ZHX2: variants seen among roughly 807,000 people sequenced by gnomAD.
The protein encoded by ZHX2 is zinc fingers and homeoboxes protein 2.
In ZHX2, 6 loss-of-function variants were observed where a neutral mutation model predicts 21.9. The ratio of observed to expected loss-of-function variants is 0.27; its 90% CI spans 0.15 to 0.54. The LOEUF is 0.54. Among genes scored for constraint, ZHX2 ranks in the 20% least tolerant of loss-of-function variants. The pLI is 0.95. For synonymous variants in ZHX2, 434 were observed against 437.1 expected, an observed-to-expected ratio of 0.99 and a Z score of 0.09; for missense variants, 908 against 1,090.7, an observed-to-expected ratio of 0.83 and a Z score of 2.36.
intron 2 of ZHX2, among the ~76,000 whole-genome samples, chr8:122,944,151 T>A (rs1812912994): frequency 6.6e-6 from 1 of 152,240 alleles, no homozygotes; most frequent in Admixed American, 6.5e-5. Context: ...CAGGAGAGAC[T>A]GTGTGGTGGT....
intron 2 of ZHX2, among the ~76,000 whole-genome samples, chr8:122,939,293 A>G (rs1018005905): frequency 6.6e-6 from 1 of 152,240 alleles, no homozygotes; most frequent in Non-Finnish European, 1.5e-5. Context: ...CAGACCTCGA[A>G]GGCACGTCTC....
At chr8:122,912,873 TTA>T (rs1489065874) in intron 2 of ZHX2, among the ~76,000 whole-genome samples, 1 of 152,144 alleles carries the variant, frequency 6.6e-6, no homozygotes, top group Admixed American at 6.5e-5. Context: ...AAAAACAGCT[TTA>T]TTGGGGCATA....
rs774824658 is a variant in ZHX2, at chr8:122,951,727, A to G, written c.217A>G (p.Lys73Glu). ...ATCTATGGGGGAAAGCCAGTCCAAA[A>G]AACTCCAAGGTGGTTATGAGTGCAA... ...VKSMGESQSKKLQGGYECKYC... is the reference protein window; with the variant it reads ...VKSMGESQSKELQGGYECKYC... Residue 73 changes from lysine (K) to glutamate (E), a missense_variant, in exon 3 of 4, where the codon AAA becomes GAA. Transcript: ENST00000314393. 4 of 1,614,112 alleles carry G rather than the reference A, an allele frequency of 2.5e-6. No homozygotes were observed. The East Asian group carries it at 8.9e-5, about 36-fold the overall frequency.
chr8:122,800,513 A>G (rs937413874), intron 1 of ZHX2, among the ~76,000 whole-genome samples: 4 of 152,236 alleles, frequency 2.6e-5, no homozygotes, highest in Non-Finnish European at 5.9e-5. Context: ...TGTGCAGAGT[A>G]GGTGCTCAAT....
chr8:122,857,681 G>A (rs1014069044), intron 1 of ZHX2, among the ~76,000 whole-genome samples: 4 of 152,148 alleles, frequency 2.6e-5, no homozygotes, highest in Non-Finnish European at 5.9e-5. Flanking sequence ...GTCATTGTGG[G>A]GAAGAAATGG....
chr8:122,900,567 G>T (rs973935705), intron 2 of ZHX2, among the ~76,000 whole-genome samples: 3 of 152,174 alleles, frequency 2.0e-5, no homozygotes, highest in African/African-American at 7.2e-5. Flanking sequence ...CCAGTTTCTA[G>T]TTGCAGTGAC....
chr8:122,834,436 T>C (rs113101768), intron 1 of ZHX2, among the ~76,000 whole-genome samples: 56 of 152,326 alleles, frequency 3.7e-4, no homozygotes, highest in African/African-American at 1.3e-3. Context: ...ACCTGTGACC[T>C]TCATTGCCGC....
Position 122,890,063 on chromosome 8 carries a change from A to AT in ZHX2, c.-220+26530dup, listed in dbSNP as rs1819940077. Among the ~76,000 whole-genome samples the AT allele has an allele frequency of 3.3e-5, 5 of 152,004 alleles. No homozygotes were observed. In the South Asian group the frequency reaches 1.0e-3, roughly 32 times the overall value. On this transcript the variant is annotated intron_variant, in intron 2 of 3. Coordinates refer to ENST00000314393, the MANE Select transcript of ZHX2 (RefSeq NM_014943.5). ...CCAATCCTGAAACATTTCTCCTCTG[A>AT]TTTTTTCTAGTAGTTTTATAGTTTG...
intron 2 of ZHX2, among the ~76,000 whole-genome samples, chr8:122,869,589 C>T (rs921514043): frequency 2.6e-4 from 39 of 152,210 alleles, no homozygotes; most frequent in Non-Finnish European, 3.5e-4. Context: ...GAGCTGTCGC[C>T]GGGAGGCCCA....
At chr8:122,869,679 T>C (rs1401316832) in intron 2 of ZHX2, among the ~76,000 whole-genome samples, 1 of 152,248 alleles carries the variant, frequency 6.6e-6, no homozygotes, top group East Asian at 1.9e-4. Flanking sequence ...CCGTGGATCT[T>C]ACAGTTGACA....
intron 1 of ZHX2, among the ~76,000 whole-genome samples, chr8:122,785,308 G>A (rs1402827270): frequency 6.6e-6 from 1 of 152,200 alleles, no homozygotes; most frequent in Non-Finnish European, 1.5e-5. Flanking sequence ...CAACAACGGG[G>A]TGAGGGGTAA....
intron 1 of ZHX2, among the ~76,000 whole-genome samples, chr8:122,803,824 G>A (rs1817766341): frequency 6.6e-6 from 1 of 152,086 alleles, no homozygotes; most frequent in Admixed American, 6.5e-5. Flanking sequence ...CACCCCACAT[G>A]ATGAAATCAG....
chr8:122,845,002 A>T (rs528875019), intron 1 of ZHX2, among the ~76,000 whole-genome samples: 1 of 152,302 alleles, frequency 6.6e-6, no homozygotes, highest in South Asian at 2.1e-4. Flanking sequence ...TATCATCCCT[A>T]TGATTTTCCA....
intron 1 of ZHX2, among the ~76,000 whole-genome samples, chr8:122,803,099 C>T (rs1022920020): frequency 2.6e-4 from 39 of 152,216 alleles, no homozygotes; most frequent in Non-Finnish European, 5.0e-4. Flanking sequence ...ACTCCCTCCC[C>T]ATCCCCTGTT....
intron 1 of ZHX2, among the ~76,000 whole-genome samples, chr8:122,853,285 T>C: frequency 6.6e-6 from 1 of 152,200 alleles, no homozygotes; most frequent in East Asian, 1.9e-4. Flanking sequence ...TTTCACATCG[T>C]ATTTCCTTCT....
intron 1 of ZHX2, among the ~76,000 whole-genome samples, chr8:122,800,148 G>T (rs371460387): frequency 6.6e-6 from 1 of 152,180 alleles, no homozygotes; most frequent in Non-Finnish European, 1.5e-5. Context: ...GAGCCACCGC[G>T]CCTGGCCTAA....
At chr8:122,934,647 C>T (rs1812633016) in intron 2 of ZHX2, among the ~76,000 whole-genome samples, 1 of 148,838 alleles carries the variant, frequency 6.7e-6, no homozygotes, top group Non-Finnish European at 1.5e-5. Context: ...TCCTTCCTTC[C>T]TTCTTTATTA....
At chr8:122,799,283 G>T (rs1243469843) in intron 1 of ZHX2, among the ~76,000 whole-genome samples, 1 of 152,202 alleles carries the variant, frequency 6.6e-6, no homozygotes, top group African/African-American at 2.4e-5. Context: ...AGTGGGTTAG[G>T]CAGTGGCAGC....
At chr8:122,877,921 A>G (rs1819608830) in intron 2 of ZHX2, among the ~76,000 whole-genome samples, 1 of 152,238 alleles carries the variant, frequency 6.6e-6, no homozygotes, top group East Asian at 1.9e-4. Context: ...TGACCTATTT[A>G]TTTAAAATAT....
Sources: gnomAD v4.1 joint callset for allele counts (sites outside exome capture counted in the v4.1 genomes callset) on GRCh38, gnomAD v4.1.1 for gene constraint, MANE v1.5 for transcripts, NCBI Gene and HGNC (gene_info 2026-07-23, HGNC 2026-07-21) for gene names.